The following UVRAG variants were observed in gnomAD, a reference collection of about 807,000 sequenced individuals.
UVRAG encodes the protein UV radiation resistance associated.
UVRAG carries 19 observed loss-of-function variants against 78.0 expected under a neutral mutation model. The observed-to-expected ratio is 0.24, with a 90% CI of 0.17 to 0.36. UVRAG has a LOEUF of 0.36. UVRAG is among the 10% of genes least tolerant of loss of function. The pLI is 1.00. For synonymous variants in UVRAG, 323 were observed against 324.6 expected (o/e 1.00, Z 0.05); for missense variants, 740 against 853.8 (o/e 0.87, Z 1.66).
chr11:75,854,581 T>A (rs962417399), intron 2 of UVRAG, among the ~76,000 whole-genome samples: 2 of 152,042 alleles, frequency 1.3e-5, no homozygotes, highest in African/African-American at 4.8e-5. Flanking sequence ...CACACCCAGC[T>A]AATTTTTGTA....
intron 6 of UVRAG, among the ~76,000 whole-genome samples, chr11:75,950,490 T>G (rs1948669778): frequency 6.6e-6 from 1 of 152,152 alleles, no homozygotes; most frequent in Non-Finnish European, 1.5e-5. Context: ...TGATGTCAAG[T>G]GATTTCTCCC....
At chr11:76,035,700 T>A (rs1950520411) in intron 12 of UVRAG, among the ~76,000 whole-genome samples, 1 of 152,228 alleles carries the variant, frequency 6.6e-6, no homozygotes. Flanking sequence ...AAAAATGTTC[T>A]GTCTTTAAAA....
intron 6 of UVRAG, among the ~76,000 whole-genome samples, chr11:75,950,576 CT>C (rs1436956157): frequency 1.3e-5 from 2 of 152,084 alleles, no homozygotes; most frequent in Non-Finnish European, 2.9e-5. Flanking sequence ...GAGAGTGAAA[CT>C]GTTGGCTTAT....
chr11:75,843,114 A>T (rs564859771), intron 1 of UVRAG, among the ~76,000 whole-genome samples: 1 of 152,294 alleles, frequency 6.6e-6, no homozygotes, highest in South Asian at 2.1e-4. Flanking sequence ...TCATTAATAT[A>T]CCTCAGAAGC....
chr11:75,966,869 A>G (rs1949034005), intron 7 of UVRAG, among the ~76,000 whole-genome samples: 2 of 152,130 alleles, frequency 1.3e-5, no homozygotes, highest in Non-Finnish European at 2.9e-5. Flanking sequence ...TGTTTGTCTC[A>G]TGCATGTGTA....
intron 13 of UVRAG, among the ~76,000 whole-genome samples, chr11:76,075,779 A>C (rs1219373910): frequency 6.6e-6 from 1 of 152,166 alleles, no homozygotes; most frequent in Non-Finnish European, 1.5e-5. Flanking sequence ...GGCAGCTACC[A>C]GCCTACTTTC....
chr11:75,815,256 C>A lies in UVRAG; in HGVS notation c.-152C>A. ...CCAGCGGCGGCAACGGCGGCAGCGG[C>A]GGCAGCGGCGGCGGCTACTGTCTGG... On this transcript the variant is annotated 5_prime_UTR_variant, in exon 1 of 15. Coordinates refer to ENST00000356136, the MANE Select transcript of UVRAG (RefSeq NM_003369.4). 1 of 461,714 alleles carries A rather than the reference C, an allele frequency of 2.2e-6. No individual in the cohort carries two copies. Among genetic ancestry groups the A allele is most frequent in the Non-Finnish European group, 3.7e-6 (1 of 270,760 alleles). The allele number at this position is 461,714 out of a possible 1,614,324, so 28.6% of individuals were successfully genotyped here. A position where few individuals can be genotyped will look rare whatever the true frequency, so the allele number is the denominator to read the frequency against.
At chr11:75,861,880 T>TA (rs1217564681) in intron 3 of UVRAG, 100 bp downstream of exon 3, 1 of 1,017,314 alleles carries the variant, frequency 9.8e-7, no homozygotes, top group East Asian at 2.4e-5. Context: ...TCTGGTTTTA[T>TA]GATACTTTAA....
chr11:76,137,322 C>A, intron 14 of UVRAG: 2 of 455,666 alleles, frequency 4.4e-6, no homozygotes, highest in South Asian at 3.1e-5. Flanking sequence ...TACCTCCAGA[C>A]CTGCGTCCTA....
At chr11:75,904,337 A>C (rs1027808926) in intron 5 of UVRAG, among the ~76,000 whole-genome samples, 1 of 152,216 alleles carries the variant, frequency 6.6e-6, no homozygotes, top group Admixed American at 6.5e-5. Flanking sequence ...TTTGAGTGAC[A>C]TGTAAATCTC....
chr11:76,140,257 A>T (rs1450647880), intron 14 of UVRAG, among the ~76,000 whole-genome samples: 3 of 151,706 alleles, frequency 2.0e-5, no homozygotes, highest in African/African-American at 7.3e-5. Context: ...TGGGCAAGTC[A>T]TGTAAATTCT....
intron 12 of UVRAG, among the ~76,000 whole-genome samples, chr11:76,048,606 C>T (rs891198218): frequency 2.6e-5 from 4 of 152,156 alleles, no homozygotes; most frequent in African/African-American, 7.2e-5. Context: ...TTTTTGTGCT[C>T]TGAAATTGGG....
intron 13 of UVRAG, among the ~76,000 whole-genome samples, chr11:76,115,326 G>A (rs1952156655): frequency 6.6e-6 from 1 of 152,230 alleles, no homozygotes; most frequent in African/African-American, 2.4e-5. Flanking sequence ...TCTGGACAAA[G>A]AGGAACGTTA....
chr11:75,865,474 T>C (rs1179139220), intron 3 of UVRAG, among the ~76,000 whole-genome samples: 1 of 152,310 alleles, frequency 6.6e-6, no homozygotes, highest in South Asian at 2.1e-4. Context: ...ACTGGCCACA[T>C]GTGGCCATTG....
chr11:75,879,629 G>T (rs2134878768), intron 3 of UVRAG, among the ~76,000 whole-genome samples: 1 of 152,334 alleles, frequency 6.6e-6, no homozygotes, highest in Middle Eastern at 3.4e-3. Flanking sequence ...ATTACCGTAT[G>T]AAACCATGTA....
At chr11:75,943,303 GTT>G (rs754035715) in intron 6 of UVRAG, among the ~76,000 whole-genome samples, 2,597 of 126,500 alleles carry the variant, frequency 0.021, 66 homozygotes, top group African/African-American at 0.07. Flanking sequence ...CACTTTTCCT[GTT>G]TTTTTTTTTT....
chr11:75,844,168 A>C (rs532106256), intron 1 of UVRAG, among the ~76,000 whole-genome samples: 1 of 152,288 alleles, frequency 6.6e-6, no homozygotes, highest in Admixed American at 6.5e-5. Flanking sequence ...AAAAATATAA[A>C]AACAAAATAA....
At chr11:76,032,826 A>G (rs544580253) in intron 12 of UVRAG, among the ~76,000 whole-genome samples, 1 of 152,358 alleles carries the variant, frequency 6.6e-6, no homozygotes, top group South Asian at 2.1e-4. Context: ...CAAAGCCTCC[A>G]CTTTCTCACC....
At chr11:76,127,549 G>A (rs1002487567) in intron 14 of UVRAG, among the ~76,000 whole-genome samples, 12 of 151,300 alleles carry the variant, frequency 7.9e-5, no homozygotes, top group South Asian at 2.1e-4. Flanking sequence ...TACTTGAATC[G>A]CTTGAACCCA....
Sources: gnomAD v4.1 joint callset for allele counts (sites outside exome capture counted in the v4.1 genomes callset) on GRCh38, gnomAD v4.1.1 for gene constraint, MANE v1.5 for transcripts, NCBI Gene and HGNC (gene_info 2026-07-23, HGNC 2026-07-21) for gene names.